Variants in HSD17B12 observed in about 807,000 individuals in gnomAD.
The protein encoded by HSD17B12 is very-long-chain 3-oxoacyl-CoA reductase.
A neutral mutation model predicts 39.3 loss-of-function variants in HSD17B12; 32 were observed. The observed-to-expected ratio is 0.81, with a 90% confidence interval of 0.61 to 1.09. HSD17B12 has a LOEUF of 1.09. Ranked by LOEUF, HSD17B12 falls within the 50% of genes least tolerant of loss-of-function variation. The probability of loss-of-function intolerance (pLI) is 0.00; values close to 1 mark genes in which losing one functional copy is unlikely to be tolerated. For synonymous variants in HSD17B12, 150 were observed against 146.7 expected (o/e 1.02, Z -0.16); for missense variants, 342 against 382.9 (o/e 0.89, Z 0.89).
At chr11:43,711,451 T>G (rs139238988) in intron 1 of HSD17B12, among the ~76,000 whole-genome samples, 91 of 151,770 alleles carry the variant, frequency 6.0e-4, no homozygotes, top group Non-Finnish European at 1.1e-3. Context: ...TATGGTGTGT[T>G]TTTTTGTTTG....
At chr11:43,819,663 A>G (rs550047325) in intron 6 of HSD17B12, among the ~76,000 whole-genome samples, 4 of 152,350 alleles carry the variant, frequency 2.6e-5, no homozygotes, top group African/African-American at 9.6e-5. Flanking sequence ...ATTGGCATAT[A>G]TACTTGTTCC....
the HSD17B12 span, among the ~76,000 whole-genome samples, chr11:43,630,217 G>A: frequency 6.6e-6 from 1 of 152,100 alleles, no homozygotes; most frequent in Non-Finnish European, 1.5e-5. Flanking sequence ...TGAATGGGGA[G>A]ACCAATTTCA....
the HSD17B12 span, among the ~76,000 whole-genome samples, chr11:43,616,797 TAAAA>T: frequency 1.7e-5 from 1 of 59,724 alleles, no homozygotes; most frequent in South Asian, 7.4e-4. Flanking sequence ...GTGCCCAAAC[TAAAA>T]AAAAAAAAAA....
At chr11:43,654,158 T>C in the HSD17B12 span, among the ~76,000 whole-genome samples, 2 of 152,208 alleles carry the variant, frequency 1.3e-5, no homozygotes, top group African/African-American at 4.8e-5. Context: ...ATGGTGAGCA[T>C]TTTTTCATGT....
At chr11:43,741,896 G>A in intron 1 of HSD17B12, among the ~76,000 whole-genome samples, 1 of 149,520 alleles carries the variant, frequency 6.7e-6, no homozygotes, top group East Asian at 2.0e-4. Context: ...ACCACGCCTG[G>A]CTAATTTTTT....
intron 1 of HSD17B12, among the ~76,000 whole-genome samples, chr11:43,724,345 G>T (rs1362092574): frequency 2.0e-5 from 3 of 151,874 alleles, no homozygotes; most frequent in African/African-American, 7.3e-5. Flanking sequence ...GGGCCTAGGG[G>T]TTACCATATG....
chr11:43,677,299 A>C (rs181737426), upstream of HSD17B12, among the ~76,000 whole-genome samples: 303 of 152,324 alleles, frequency 2.0e-3, 1 homozygote, highest in Non-Finnish European at 2.0e-3. Flanking sequence ...CTTTACAAAA[A>C]ACACTCAAGT....
the HSD17B12 span, among the ~76,000 whole-genome samples, chr11:43,617,797 G>T: frequency 6.6e-6 from 1 of 152,000 alleles, no homozygotes; most frequent in Admixed American, 6.6e-5. Flanking sequence ...ATCATCCCAG[G>T]TCATAAAATC....
chr11:43,836,836 T>C (rs902967676), intron 7 of HSD17B12, among the ~76,000 whole-genome samples: 4 of 152,278 alleles, frequency 2.6e-5, no homozygotes, highest in Non-Finnish European at 5.9e-5. Context: ...TACAAATTCT[T>C]ACCTTAAAAT....
chr11:43,743,839 A>G (rs1950390438), intron 1 of HSD17B12, among the ~76,000 whole-genome samples: 1 of 152,180 alleles, frequency 6.6e-6, no homozygotes, highest in South Asian at 2.1e-4. Flanking sequence ...GACCAAAACA[A>G]TCAAGAAGGA....
At chr11:43,806,194 C>T (rs1951016590) in intron 4 of HSD17B12, 1 of 152,108 alleles carries the variant, frequency 6.6e-6, no homozygotes, top group Non-Finnish European at 1.5e-5. Context: ...TTGATGGAAT[C>T]ATTGGCCATG....
intron 3 of HSD17B12, among the ~76,000 whole-genome samples, chr11:43,790,259 A>G (rs1196368097): frequency 6.6e-6 from 1 of 152,244 alleles, no homozygotes; most frequent in Non-Finnish European, 1.5e-5. Flanking sequence ...CATTGATTCC[A>G]TGGATGATAT....
At chr11:43,561,133 C>A in the HSD17B12 span, among the ~76,000 whole-genome samples, 1 of 152,204 alleles carries the variant, frequency 6.6e-6, no homozygotes, top group Non-Finnish European at 1.5e-5. Context: ...CCACCACTTT[C>A]AAGCTTGGTC....
intron 1 of HSD17B12, among the ~76,000 whole-genome samples, chr11:43,743,353 C>A (rs1033659221): frequency 1.3e-5 from 2 of 152,084 alleles, no homozygotes; most frequent in African/African-American, 4.8e-5. Context: ...TTCTGTCATC[C>A]CTCATCCCCA....
intron 3 of HSD17B12, among the ~76,000 whole-genome samples, chr11:43,793,297 T>C (rs1950885603): frequency 6.6e-6 from 1 of 152,192 alleles, no homozygotes; most frequent in African/African-American, 2.4e-5. Flanking sequence ...TAATGGATAG[T>C]ACCTAAAACT....
intron 4 of HSD17B12, among the ~76,000 whole-genome samples, chr11:43,810,367 TTATA>T (rs59970877): frequency 0.011 from 631 of 59,622 alleles, 15 homozygotes; most frequent in Admixed American, 0.03. Flanking sequence ...AATTTAGAAA[TTATA>T]TATATATATA....
chr11:43,820,175 G>A (rs1951167624), intron 6 of HSD17B12, among the ~76,000 whole-genome samples: 1 of 152,162 alleles, frequency 6.6e-6, no homozygotes, highest in Non-Finnish European at 1.5e-5. Context: ...GCATGACTGG[G>A]CAAGACCTTG....
rs569383483 is a variant in HSD17B12, at chr11:43,736,652, A to G, written c.161-14259A>G. 1.1e-4 allele frequency among the ~76,000 whole-genome samples: 17 copies of G among 152,332 alleles called. No individual in the cohort carries two copies. The South Asian group carries it at 3.3e-3, about 30-fold the overall frequency. On this transcript the variant is annotated intron_variant, in intron 1 of 10. Coordinates refer to ENST00000278353, the MANE Select transcript of HSD17B12 (RefSeq NM_016142.3). The stretch of plus-strand genomic sequence containing the variant: ...TATTTTTCTGTAAAATTATTTTTAT[A>G]ATATGATTAGGAGAACAAGTTAGAG...
intron 1 of HSD17B12, among the ~76,000 whole-genome samples, chr11:43,712,510 C>T (rs537593059): frequency 3.3e-5 from 5 of 152,216 alleles, no homozygotes; most frequent in African/African-American, 1.2e-4. Flanking sequence ...GATAATAACT[C>T]TTTCAACCAA....
Sources: allele counts gnomAD v4.1 joint callset (sites outside exome capture counted in the v4.1 genomes callset), GRCh38; gene constraint gnomAD v4.1.1; transcripts MANE v1.5; gene names NCBI Gene and HGNC (gene_info 2026-07-23, HGNC 2026-07-21).